The following GRIK4 variants were observed in gnomAD, a reference collection of about 807,000 sequenced individuals.
The protein encoded by GRIK4 is glutamate receptor ionotropic, kainate 4.
Under a neutral mutation model 104.9 loss-of-function variants are expected in GRIK4, and 40 were observed. The ratio of observed to expected loss-of-function variants is 0.38; its 90% CI spans 0.30 to 0.50. GRIK4 has a LOEUF of 0.50. Ranked by LOEUF, GRIK4 falls within the 20% of genes least tolerant of loss-of-function variation. The pLI is 0.93. For missense variants in GRIK4, 1,047 were observed against 1,308.1 expected (o/e 0.80, Z 3.08); for synonymous variants, 485 against 524.9 (o/e 0.92, Z 1.04).
intron 1 of GRIK4, among the ~76,000 whole-genome samples, chr11:120,638,389 A>G (rs1949426209): frequency 6.6e-6 from 1 of 152,198 alleles, no homozygotes; most frequent in Non-Finnish European, 1.5e-5. Context: ...ATGGGATCAC[A>G]CAGCTAGTTG....
intron 11 of GRIK4, among the ~76,000 whole-genome samples, chr11:120,881,463 A>AG (rs1019057606): frequency 2.9e-4 from 44 of 152,328 alleles, no homozygotes; most frequent in African/African-American, 1.0e-3. Context: ...GCCAGTAATA[A>AG]GCCTTGTGAG....
At chr11:120,742,213 G>T (rs1001694939) in intron 3 of GRIK4, among the ~76,000 whole-genome samples, 4 of 152,084 alleles carry the variant, frequency 2.6e-5, no homozygotes, top group African/African-American at 7.2e-5. Context: ...GGGCATGTTG[G>T]TGTGTGCCTT....
At chr11:120,950,197 C>T (rs528676341) in intron 14 of GRIK4, among the ~76,000 whole-genome samples, 1 of 152,342 alleles carries the variant, frequency 6.6e-6, no homozygotes, top group East Asian at 1.9e-4. Context: ...CTGCCCATTC[C>T]TTGCTCTTCT....
intron 1 of GRIK4, among the ~76,000 whole-genome samples, chr11:120,650,714 C>G (rs554098201): frequency 1.3e-5 from 2 of 152,306 alleles, no homozygotes; most frequent in African/African-American, 4.8e-5. Context: ...AAATTACCTG[C>G]CATGCAGTAG....
At chr11:120,950,166 C>T (rs1048142304) in intron 14 of GRIK4, among the ~76,000 whole-genome samples, 4 of 152,158 alleles carry the variant, frequency 2.6e-5, no homozygotes, top group African/African-American at 9.7e-5. Flanking sequence ...CTGTATAAGC[C>T]CAGACCCAAA....
At chr11:120,600,375 C>T (rs1184158758) in intron 1 of GRIK4, among the ~76,000 whole-genome samples, 1 of 152,116 alleles carries the variant, frequency 6.6e-6, no homozygotes, top group Non-Finnish European at 1.5e-5. Flanking sequence ...TAGAGTTTTC[C>T]TGCGAATTAA....
At chr11:120,955,416 G>C (rs541037271) in intron 15 of GRIK4, among the ~76,000 whole-genome samples, 8 of 152,382 alleles carry the variant, frequency 5.2e-5, no homozygotes, top group Admixed American at 3.9e-4. Flanking sequence ...CAGGCCGAGT[G>C]CAGGACGGGA....
intron 11 of GRIK4, among the ~76,000 whole-genome samples, chr11:120,892,478 G>A (rs1205680735): frequency 6.6e-6 from 1 of 152,146 alleles, no homozygotes; most frequent in Non-Finnish European, 1.5e-5. Flanking sequence ...TGATTAGGGT[G>A]GAGGCTGGGG....
intron 3 of GRIK4, among the ~76,000 whole-genome samples, chr11:120,704,902 AG>A (rs1334882240): frequency 6.6e-6 from 1 of 152,222 alleles, no homozygotes; most frequent in African/African-American, 2.4e-5. Context: ...TTACAAAAAC[AG>A]GTGGCATGTG....
chr11:120,804,488 G>A (rs1228015532), intron 4 of GRIK4, among the ~76,000 whole-genome samples: 2 of 152,130 alleles, frequency 1.3e-5, no homozygotes, highest in Non-Finnish European at 2.9e-5. Context: ...TGTGGTGTTG[G>A]ATCCAGGCTC....
intron 16 of GRIK4, among the ~76,000 whole-genome samples, chr11:120,957,396 TCTCTGC>T (rs1944180199): frequency 1.3e-5 from 2 of 152,364 alleles, no homozygotes; most frequent in South Asian, 4.1e-4. Context: ...AGGCTTTGTG[TCTCTGC>T]CTCTGGCTCT....
In GRIK4 at chr11:120,936,111, T is replaced by C. The variant is rs114311189; in HGVS notation, c.1477-4236T>C. ...TCCTTGTTTTCCGCCTCTTCCTTTTTTTTCCTTGCTTTTTTCAGCCCCGAT... is the reference window on the plus strand; with the variant it reads ...TCCTTGTTTTCCGCCTCTTCCTTTTCTTTCCTTGCTTTTTTCAGCCCCGAT... On this transcript the variant is annotated intron_variant, in intron 13 of 20. Transcript: ENST00000527524. 1,038 of 213,852 alleles carry C rather than the reference T, an allele frequency of 4.9e-3. 8 individuals are homozygous for C. The highest frequency in any genetic ancestry group is 0.023 in the African/African-American group (998 of 42,714). 13.2% of individuals were successfully genotyped at this position (213,852 alleles called of 1,614,324 possible).
In GRIK4 at chr11:120,819,503, G is replaced by A. The variant is rs1953049647; in HGVS notation, c.346-252G>A. Among the ~76,000 whole-genome samples, 2 of 152,150 alleles carry A rather than the reference G, an allele frequency of 1.3e-5. No individual in the cohort carries two copies. The highest frequency in any genetic ancestry group is 1.9e-4 in the East Asian group (1 of 5,194). The stretch of plus-strand genomic sequence containing the variant: ...CACAGACCCCAGCTTGCAGACCCAC[G>A]GTGCATTCATCCGGGTCTCTGGACA... On this transcript the variant is annotated intron_variant, in intron 5 of 20. Transcript: ENST00000527524. The surrounding 1 kb of genome is among the most constrained non-coding windows in gnomAD (Gnocchi z 4.3).
intron 3 of GRIK4, among the ~76,000 whole-genome samples, chr11:120,726,503 A>G (rs1951030052): frequency 6.6e-6 from 1 of 152,324 alleles, no homozygotes; most frequent in South Asian, 2.1e-4. Flanking sequence ...AATACTCCAC[A>G]TCCATTAATC....
At chr11:120,739,875 T>A (rs751368) in intron 3 of GRIK4, among the ~76,000 whole-genome samples, 4 of 152,108 alleles carry the variant, frequency 2.6e-5, no homozygotes, top group East Asian at 1.9e-4. Context: ...CAGAGGTGAC[T>A]TTTGTGGCTC....
intron 1 of GRIK4, among the ~76,000 whole-genome samples, chr11:120,546,509 A>G (rs1948086773): frequency 6.6e-6 from 1 of 152,138 alleles, no homozygotes; most frequent in African/African-American, 2.4e-5. Flanking sequence ...CAACAGCCTG[A>G]TTCTTTCTCC....
At chr11:120,614,778 T>C (rs532784025) in intron 1 of GRIK4, among the ~76,000 whole-genome samples, 7 of 152,296 alleles carry the variant, frequency 4.6e-5, no homozygotes, top group Admixed American at 1.3e-4. Flanking sequence ...GGCGGGTGGA[T>C]CATGAGGTCA....
intron 1 of GRIK4, among the ~76,000 whole-genome samples, chr11:120,609,244 T>C (rs973541401): frequency 6.6e-6 from 1 of 151,782 alleles, no homozygotes; most frequent in Non-Finnish European, 1.5e-5. Flanking sequence ...GGGGGTGAAG[T>C]CGAAGACAGT....
intron 13 of GRIK4, among the ~76,000 whole-genome samples, chr11:120,937,529 C>T (rs945464943): frequency 3.3e-5 from 5 of 152,214 alleles, no homozygotes; most frequent in African/African-American, 7.2e-5. Context: ...CTTGTCACTG[C>T]CCTTTCCTGT....
Sources: gnomAD v4.1 joint callset for allele counts (sites outside exome capture counted in the v4.1 genomes callset) on GRCh38, gnomAD v4.1.1 for gene constraint, Gnocchi (gnomAD v3.1) non-coding constraint, MANE v1.5 for transcripts, NCBI Gene and HGNC (gene_info 2026-07-23, HGNC 2026-07-21) for gene names.